Variants in SOBP observed in about 807,000 individuals in gnomAD.
The protein encoded by SOBP is sine oculis binding protein homolog.
A neutral mutation model predicts 53.6 loss-of-function variants in SOBP; 4 were observed. The observed-to-expected ratio is 0.07, with a 90% confidence interval of 0.04 to 0.17. The LOEUF (loss-of-function observed/expected upper bound fraction) is 0.17. SOBP is among the 10% of genes least tolerant of loss of function. The probability of loss-of-function intolerance (pLI) is 1.00; values close to 1 mark genes in which losing one functional copy is unlikely to be tolerated. For missense variants in SOBP, 1,088 were observed against 1,204.7 expected (o/e 0.90, Z 1.43); for synonymous variants, 584 against 522.6 (o/e 1.12, Z -1.60).
At chr6:107,613,020 T>G (rs1786655486) in intron 5 of SOBP, among the ~76,000 whole-genome samples, 2 of 152,250 alleles carry the variant, frequency 1.3e-5, no homozygotes, top group Non-Finnish European at 1.5e-5. Context: ...TTTCCACCCT[T>G]TGGCTATTGG....
chr6:107,547,163 A>G (rs1339534088), intron 4 of SOBP, among the ~76,000 whole-genome samples: 2 of 152,206 alleles, frequency 1.3e-5, no homozygotes, highest in Admixed American at 1.3e-4. Flanking sequence ...TATACATATA[A>G]TGAGGTAACC....
At chr6:107,538,872 C>T (rs1310882835) in intron 4 of SOBP, among the ~76,000 whole-genome samples, 4 of 152,160 alleles carry the variant, frequency 2.6e-5, no homozygotes, top group Admixed American at 6.5e-5. Flanking sequence ...GAGGGGTAAA[C>T]GTCAGTCCTT....
intron 4 of SOBP, 104 bp downstream of exon 4, chr6:107,533,714 T>C: frequency 7.1e-7 from 1 of 1,406,360 alleles, no homozygotes; most frequent in South Asian, 1.2e-5. Flanking sequence ...CTTTTACTTT[T>C]ATATTTTTAT....
At chr6:107,550,655 C>G (rs1347090821) in intron 4 of SOBP, among the ~76,000 whole-genome samples, 5 of 152,004 alleles carry the variant, frequency 3.3e-5, no homozygotes, top group Admixed American at 1.3e-4. Flanking sequence ...AGGCCAGGCT[C>G]TATGCATGAG....
chr6:107,507,174 G>T (rs903954441), intron 3 of SOBP, among the ~76,000 whole-genome samples: 1 of 152,102 alleles, frequency 6.6e-6, no homozygotes, highest in Non-Finnish European at 1.5e-5. Flanking sequence ...AAGGACATGA[G>T]GCAGGCTTGG....
chr6:107,620,979 G>A (rs897262369), intron 5 of SOBP: 2 of 157,932 alleles, frequency 1.3e-5, no homozygotes, highest in African/African-American at 4.8e-5. Context: ...TCATACAGAG[G>A]TTAGGAAATG....
intron 6 of SOBP, among the ~76,000 whole-genome samples, chr6:107,648,580 A>G (rs1287743936): frequency 6.6e-6 from 1 of 151,692 alleles, no homozygotes; most frequent in Non-Finnish European, 1.5e-5. Flanking sequence ...TTGCAAATGC[A>G]GGGTGTTAGG....
chr6:107,598,862 C>T (rs963098367), intron 5 of SOBP, among the ~76,000 whole-genome samples: 7 of 152,134 alleles, frequency 4.6e-5, no homozygotes, highest in African/African-American at 1.7e-4. Context: ...CATTTCAAGC[C>T]AATTTTCCTG....
chr6:107,598,227 A>G (rs905012169), intron 5 of SOBP, among the ~76,000 whole-genome samples: 7 of 152,248 alleles, frequency 4.6e-5, no homozygotes, highest in African/African-American at 1.7e-4. Context: ...CTTCCAGTGT[A>G]TAATAAAGTG....
At chr6:107,614,480 G>A (rs573048029) in intron 5 of SOBP, among the ~76,000 whole-genome samples, 8 of 152,252 alleles carry the variant, frequency 5.3e-5, no homozygotes, top group Non-Finnish European at 1.0e-4. Flanking sequence ...GCTGCCGTCT[G>A]GAGGAGGATG....
rs1240910403 is a variant in SOBP, at chr6:107,490,592, C to T, written c.-25C>T. ...CCGGCGGCGGCAGCAGCCATTTCAT[C>T]TCCACAGAAACCAGACACAAAAACA... is the stretch of plus-strand genomic sequence containing the variant. On this transcript the variant is annotated 5_prime_UTR_variant, in exon 1 of 7. Coordinates refer to ENST00000317357, the MANE Select transcript of SOBP (RefSeq NM_018013.4). 1 of 1,572,606 alleles carries T rather than the reference C, an allele frequency of 6.4e-7. No individual in the cohort carries two copies. Among genetic ancestry groups the T allele is most frequent in the Non-Finnish European group, 8.7e-7 (1 of 1,153,838 alleles).
chr6:107,629,740 C>T (rs958696043), intron 5 of SOBP, among the ~76,000 whole-genome samples: 5 of 152,200 alleles, frequency 3.3e-5, no homozygotes, highest in Non-Finnish European at 7.3e-5. Context: ...GGAGTGAATC[C>T]ATCAGGCCAC....
Position 107,635,169 on chromosome 6 carries a change from CTG to C in SOBP, c.2328_2329del (p.Ala777PhefsTer30). 1 of 1,613,700 alleles carries C rather than the reference CTG, an allele frequency of 6.2e-7. No individual in the cohort carries two copies. The highest frequency in any genetic ancestry group is 8.5e-7 in the Non-Finnish European group (1 of 1,179,920). Reference protein sequence around the residue: ...SELESVKENNCASNCHLDGEA... With the variant: ...SELESVKENNXASNCHLDGEA... ...AGCTAGAGTCGGTCAAGGAGAATAA[CTG>C]TGCTTCCAACTGCCACCTGGACGGG... On this transcript the variant is annotated frameshift_variant, in exon 6 of 7. Transcript: ENST00000317357. LOFTEE classifies it high-confidence loss of function. This position sits in a 1 kb window ranked among gnomAD's most constrained non-coding sequence, Gnocchi z 4.5.
At chr6:107,534,832 G>A (rs1237697347) in intron 4 of SOBP, among the ~76,000 whole-genome samples, 1 of 152,184 alleles carries the variant, frequency 6.6e-6, no homozygotes, top group African/African-American at 2.4e-5. Flanking sequence ...TCCCCTGGGA[G>A]GAGCCAGTGA....
intron 3 of SOBP, among the ~76,000 whole-genome samples, 186 bp from the exon 4 acceptor site, chr6:107,533,271 CAA>C (rs762864049): frequency 0.031 from 1,002 of 32,538 alleles, 2 homozygotes; most frequent in East Asian, 0.056. Context: ...ACTTAGGAGC[CAA>C]AAAAAAAAAA....
chr6:107,533,906 G>C (rs193215466), intron 4 of SOBP, among the ~76,000 whole-genome samples: 1 of 152,150 alleles, frequency 6.6e-6, no homozygotes, highest in Non-Finnish European at 1.5e-5. Context: ...GTAGAGTGCA[G>C]ACTGCACTCT....
rs571886184 is a variant in SOBP at position 107,641,181 on chromosome 6, A to C, written c.*3+5712A>C. On this transcript the variant is annotated intron_variant, in intron 6 of 6. Coordinates refer to ENST00000317357, the MANE Select transcript of SOBP (RefSeq NM_018013.4). ...CTGAATTAATGGAAAGTTTCTCTTA[A>C]AACTTAGAATATATTGTTTGGCAAT... 2.6e-5 allele frequency among the ~76,000 whole-genome samples: 4 copies of C among 152,340 alleles called. No individual in the cohort carries two copies. In the South Asian group the frequency reaches 8.3e-4, roughly 32 times the overall value.
In SOBP at chr6:107,578,093, A is replaced by AAAG. The variant is rs1475114619; in HGVS notation, c.574-8980_574-8978dup. On this transcript the variant is annotated intron_variant, in intron 4 of 6. Coordinates refer to ENST00000317357, the MANE Select transcript of SOBP (RefSeq NM_018013.4). Reference sequence around the variant, plus strand: ...TGTCTCAAAAAAAAAAAAAAAAAAAAAAGAAGAAGTTCGTTTAAGTGTTGA... The same window carrying AAAG: ...TGTCTCAAAAAAAAAAAAAAAAAAAAAAGAAGAAGAAGTTCGTTTAAGTGTTGA... 9.0e-5 allele frequency among the ~76,000 whole-genome samples: 12 copies of AAAG among 132,834 alleles called. 1 individual carries two copies. Among genetic ancestry groups the AAAG allele is most frequent in the African/African-American group, 3.2e-4 (12 of 37,754 alleles). The allele number at this position is 132,834 out of a possible 152,430, so 87.1% of individuals were successfully genotyped here.
At chr6:107,620,607 C>T (rs1226560927) in intron 5 of SOBP, among the ~76,000 whole-genome samples, 1 of 152,160 alleles carries the variant, frequency 6.6e-6, no homozygotes, top group Non-Finnish European at 1.5e-5. Context: ...TTCTTTTCCT[C>T]CTCCTCTTTG....
Sources: allele counts gnomAD v4.1 joint callset (sites outside exome capture counted in the v4.1 genomes callset), GRCh38; gene constraint gnomAD v4.1.1; non-coding constraint Gnocchi (gnomAD v3.1); transcripts MANE v1.5; gene names NCBI Gene and HGNC (gene_info 2026-07-23, HGNC 2026-07-21).